SLC36A1: variants seen among roughly 807,000 people sequenced by gnomAD.
The protein encoded by SLC36A1 is solute carrier family 36 member 1.
A neutral mutation model predicts 47.5 loss-of-function variants in SLC36A1; 30 were observed. The observed-to-expected ratio is 0.63, with a 90% confidence interval of 0.47 to 0.86. The LOEUF is 0.86. SLC36A1 is among the 40% of genes least tolerant of loss of function. The pLI is 0.00. For synonymous variants in SLC36A1, 255 were observed against 249.7 expected, an observed-to-expected ratio of 1.02 and a Z score of -0.20; for missense variants, 517 against 606.0, an observed-to-expected ratio of 0.85 and a Z score of 1.54.
chr5:151,372,681 C>T, the SLC36A1 span, among the ~76,000 whole-genome samples: 4 of 152,078 alleles, frequency 2.6e-5, no homozygotes, highest in Non-Finnish European at 4.4e-5. Flanking sequence ...CTTCTGGCCC[C>T]AAGCAGTCCT....
At chr5:151,476,251 T>C (rs1758035637) in intron 8 of SLC36A1, among the ~76,000 whole-genome samples, 1 of 152,240 alleles carries the variant, frequency 6.6e-6, no homozygotes, top group Admixed American at 6.5e-5. Context: ...TGAGAGGGCC[T>C]TCTGGTTGCC....
At chr5:151,541,992 AG>A in the SLC36A1 span, among the ~76,000 whole-genome samples, 1 of 152,254 alleles carries the variant, frequency 6.6e-6, no homozygotes. Context: ...GACAACTGAC[AG>A]CAGTTAGAGT....
rs868368861 is a variant in SLC36A1, at chr5:151,476,680, A to T, written c.913A>T (p.Ser305Cys). 6.2e-6 allele frequency: 10 copies of T among 1,613,758 alleles called. 1 individual carries two copies. The Middle Eastern group carries it at 8.2e-4, about 133-fold the overall frequency. Residue 305 changes from serine to cysteine, a missense_variant, in exon 9 of 11, where the codon AGC becomes TGC. Ser to Cys is a moderately radical substitution (Grantham distance 112, BLOSUM62 -1). Coordinates refer to ENST00000243389, the MANE Select transcript of SLC36A1 (RefSeq NM_078483.4). The part of the protein sequence containing the change: ...GMVIVTILYI[S>C]LGCLGYLQFG... ...GGTCATCGTCACCATCCTCTACATCAGCCTGGGGTGTCTGGGGTACCTGCA... is the reference window on the plus strand; with the variant it reads ...GGTCATCGTCACCATCCTCTACATCTGCCTGGGGTGTCTGGGGTACCTGCA...
At chr5:151,371,490 A>G in the SLC36A1 span, among the ~76,000 whole-genome samples, 1 of 152,066 alleles carries the variant, frequency 6.6e-6, no homozygotes, top group Non-Finnish European at 1.5e-5. Context: ...ATGATATCTC[A>G]TTAGCTTTTT....
chr5:151,426,478 T>G, the SLC36A1 span, among the ~76,000 whole-genome samples: 13 of 152,212 alleles, frequency 8.5e-5, 2 homozygotes, highest in Admixed American at 7.2e-4. Flanking sequence ...GATGTGCACG[T>G]AGGCCAGGTT....
the SLC36A1 span, chr5:151,512,071 A>G: frequency 4.1e-6 from 5 of 1,210,126 alleles, no homozygotes; most frequent in Non-Finnish European, 4.6e-6. The surrounding 1 kb of genome is among the most constrained non-coding windows in gnomAD (Gnocchi z 4.1). Context: ...ATTTGGAACC[A>G]GGAGGCTCTG....
chr5:151,533,393 A>AAAACAC, the SLC36A1 span, among the ~76,000 whole-genome samples: 8,677 of 131,994 alleles, frequency 0.066, 323 homozygotes, highest in Non-Finnish European at 0.088. Context: ...TGTTATCTCC[A>AAAACAC]ACACACACAC....
the SLC36A1 span, among the ~76,000 whole-genome samples, chr5:151,345,024 C>T: frequency 2.0e-5 from 3 of 152,168 alleles, no homozygotes; most frequent in Non-Finnish European, 4.4e-5. Flanking sequence ...TCCCCTCCCC[C>T]AAACAAAAAC....
the SLC36A1 span, chr5:151,366,453 G>T: frequency 4.0e-6 from 1 of 249,646 alleles, no homozygotes. Context: ...GCTCATGGAG[G>T]GCCTAGAAGG....
intron 2 of SLC36A1, among the ~76,000 whole-genome samples, chr5:151,462,232 T>A (rs924236472): frequency 2.0e-5 from 3 of 149,140 alleles, no homozygotes; most frequent in Non-Finnish European, 4.4e-5. Flanking sequence ...TTAACAAATA[T>A]GACTTTTTGA....
At chr5:151,536,494 C>T in the SLC36A1 span, among the ~76,000 whole-genome samples, 1 of 152,118 alleles carries the variant, frequency 6.6e-6, no homozygotes, top group Non-Finnish European at 1.5e-5. Flanking sequence ...TTCTGTGCTG[C>T]CCATCTCCAC....
At chr5:151,516,089 C>T in the SLC36A1 span, among the ~76,000 whole-genome samples, 1 of 152,212 alleles carries the variant, frequency 6.6e-6, no homozygotes, top group Non-Finnish European at 1.5e-5. Context: ...TTTCACATTG[C>T]TATTCCCTCT....
chr5:151,408,266 G>C, the SLC36A1 span, among the ~76,000 whole-genome samples: 1 of 152,154 alleles, frequency 6.6e-6, no homozygotes, highest in African/African-American at 2.4e-5. Flanking sequence ...TTGACTCACT[G>C]CAACTTCTGC....
the SLC36A1 span, among the ~76,000 whole-genome samples, chr5:151,515,524 T>G: frequency 6.6e-6 from 1 of 152,162 alleles, no homozygotes; most frequent in Non-Finnish European, 1.5e-5. Flanking sequence ...AACTGCACTC[T>G]GATCTCCCCT....
the SLC36A1 span, among the ~76,000 whole-genome samples, chr5:151,533,894 C>G: frequency 4.6e-5 from 7 of 152,104 alleles, no homozygotes; most frequent in South Asian, 1.5e-3. Context: ...TGAATGAATG[C>G]AATTTACCTT....
At position 151,491,630 on chromosome 5, in the gene SLC36A1, C is replaced by G. The variant is rs570097526; in HGVS notation, c.*3376C>G. 2.6e-5 allele frequency: 4 copies of G among 152,636 alleles called. No homozygotes were observed. Among genetic ancestry groups the G allele is most frequent in the African/African-American group, 7.2e-5 (3 of 41,452 alleles). 9.5% of individuals were successfully genotyped at this position (152,636 alleles called of 1,614,324 possible). ...AATTTGTGTCTGTTTACAGCTCTCT[C>G]TCCTCACTGCTCACAGCAAGGGGTT... On this transcript the variant is annotated 3_prime_UTR_variant, in exon 11 of 11. Coordinates refer to ENST00000243389, the MANE Select transcript of SLC36A1 (RefSeq NM_078483.4).
the SLC36A1 span, among the ~76,000 whole-genome samples, chr5:151,350,397 T>C: frequency 6.6e-6 from 1 of 152,336 alleles, no homozygotes; most frequent in South Asian, 2.1e-4. Context: ...TTGATTGGAT[T>C]CCAGGCCTCT....
At chr5:151,410,771 A>G in the SLC36A1 span, among the ~76,000 whole-genome samples, 2 of 144,498 alleles carry the variant, frequency 1.4e-5, no homozygotes, top group African/African-American at 2.5e-5. Flanking sequence ...GTCTCATGCT[A>G]TTGTTTGCAT....
chr5:151,391,260 C>G, the SLC36A1 span, among the ~76,000 whole-genome samples: 2 of 152,070 alleles, frequency 1.3e-5, no homozygotes. Context: ...ATTTTTTATC[C>G]TGAGACTTTG....
Sources: gnomAD v4.1 joint callset for allele counts (sites outside exome capture counted in the v4.1 genomes callset) on GRCh38, gnomAD v4.1.1 for gene constraint, Gnocchi (gnomAD v3.1) non-coding constraint, MANE v1.5 for transcripts, NCBI Gene and HGNC (gene_info 2026-07-23, HGNC 2026-07-21) for gene names.